LDB2: variants seen among roughly 807,000 people sequenced by gnomAD.
LDB2 encodes LIM domain-binding protein 2.
In LDB2, 12 loss-of-function variants were observed where a neutral mutation model predicts 44.3. That is an observed-to-expected ratio of 0.27 (90% CI 0.17 to 0.44). The LOEUF is 0.44. Ranked by LOEUF, LDB2 falls within the 20% of genes least tolerant of loss-of-function variation. The pLI, the probability that LDB2 is intolerant of heterozygous loss-of-function variation, is 1.00. For synonymous variants in LDB2, 164 were observed against 174.8 expected, an observed-to-expected ratio of 0.94 and a Z score of 0.49; for missense variants, 344 against 473.5, an observed-to-expected ratio of 0.73 and a Z score of 2.54.
chr4:16,876,961 G>A (rs957048231), intron 1 of LDB2, among the ~76,000 whole-genome samples: 3 of 151,018 alleles, frequency 2.0e-5, no homozygotes, highest in African/African-American at 7.3e-5. Flanking sequence ...AGACTGGAGT[G>A]CAGTGGTGCC....
rs1489151570 is a variant in LDB2, at chr4:16,501,944, C to A, written c.*699G>T. 6.6e-6 allele frequency: 1 copy of A among 152,514 alleles called. No individual in the cohort carries two copies. Among genetic ancestry groups the A allele is most frequent in the Non-Finnish European group, 1.5e-5 (1 of 68,016 alleles). 9.4% of individuals were successfully genotyped at this position (152,514 alleles called of 1,614,324 possible). A position where few individuals can be genotyped will look rare whatever the true frequency, so the allele number is the denominator to read the frequency against. ...AATTCTTAAGGGTCCAATTGTCTTT[C>A]TTTACTTAAAAATCTGCCCTGGTGT... On this transcript the variant is annotated 3_prime_UTR_variant, in exon 8 of 8. Transcript: ENST00000304523.
intron 5 of LDB2, among the ~76,000 whole-genome samples, chr4:16,546,866 T>C (rs915290984): frequency 4.6e-5 from 7 of 152,200 alleles, no homozygotes; most frequent in Non-Finnish European, 7.3e-5. Context: ...CAGGGTTCTT[T>C]AGCTGTCTCT....
chr4:16,774,809 T>C (rs748122062), intron 1 of LDB2, among the ~76,000 whole-genome samples: 3 of 152,184 alleles, frequency 2.0e-5, no homozygotes, highest in Non-Finnish European at 2.9e-5. Flanking sequence ...GGAAAATACC[T>C]AGTAATAAAA....
intron 1 of LDB2, among the ~76,000 whole-genome samples, chr4:16,891,887 G>A (rs1240317044): frequency 6.6e-6 from 1 of 152,168 alleles, no homozygotes; most frequent in Non-Finnish European, 1.5e-5. Context: ...CCTATTTCAA[G>A]AGAGGTGCTA....
intron 5 of LDB2, among the ~76,000 whole-genome samples, chr4:16,523,910 CTAA>C (rs1422214114): frequency 6.6e-6 from 1 of 152,202 alleles, no homozygotes; most frequent in African/African-American, 2.4e-5. Flanking sequence ...CCTGCAGCAA[CTAA>C]TATTACGCCC....
intron 1 of LDB2, among the ~76,000 whole-genome samples, chr4:16,800,621 A>T (rs1376338218): frequency 1.3e-5 from 2 of 152,228 alleles, no homozygotes; most frequent in East Asian, 3.8e-4. Context: ...GGTGATAGGG[A>T]GTCATATAAA....
chr4:16,727,495 G>A (rs1457868469), intron 2 of LDB2, among the ~76,000 whole-genome samples: 6 of 152,292 alleles, frequency 3.9e-5, no homozygotes, highest in Admixed American at 1.3e-4. Flanking sequence ...GGGAAGACTC[G>A]AGCATGGGGA....
intron 1 of LDB2, among the ~76,000 whole-genome samples, chr4:16,777,915 G>A (rs1007176709): frequency 3.9e-5 from 6 of 152,066 alleles, no homozygotes; most frequent in East Asian, 1.9e-4. Flanking sequence ...GCTTACCAAC[G>A]CCTGACTGGG....
chr4:16,740,204 A>G (rs1240308109), intron 2 of LDB2, among the ~76,000 whole-genome samples: 1 of 152,228 alleles, frequency 6.6e-6, no homozygotes, highest in African/African-American at 2.4e-5. Context: ...CTAAACTGTG[A>G]CATCTTCCAT....
chr4:16,766,610 A>G (rs2109302093), intron 1 of LDB2, among the ~76,000 whole-genome samples: 1 of 150,676 alleles, frequency 6.6e-6, no homozygotes, highest in South Asian at 2.1e-4. Context: ...TGTTCAAGCG[A>G]TTCTCCTGCC....
At chr4:16,858,330 A>G (rs1000031502) in intron 1 of LDB2, among the ~76,000 whole-genome samples, 3 of 152,198 alleles carry the variant, frequency 2.0e-5, no homozygotes, top group Non-Finnish European at 4.4e-5. Flanking sequence ...TTATAAATGC[A>G]AGGAATTCCT....
At chr4:16,509,165 C>A (rs1333936870) in intron 6 of LDB2, among the ~76,000 whole-genome samples, 1 of 152,152 alleles carries the variant, frequency 6.6e-6, no homozygotes, top group Non-Finnish European at 1.5e-5. Context: ...TGTGCAACAG[C>A]AGCATCTACT....
chr4:16,793,289 C>T (rs1177413293), intron 1 of LDB2, among the ~76,000 whole-genome samples: 3 of 152,098 alleles, frequency 2.0e-5, no homozygotes, highest in African/African-American at 7.2e-5. Flanking sequence ...AGGGAGAGAA[C>T]AGCATCAAAG....
chr4:16,532,531 G>A (rs985735659), intron 5 of LDB2, among the ~76,000 whole-genome samples: 5 of 152,086 alleles, frequency 3.3e-5, no homozygotes, highest in African/African-American at 9.7e-5. Context: ...CTATTCTTTC[G>A]TGCCAGCTAT....
intron 5 of LDB2, among the ~76,000 whole-genome samples, chr4:16,585,673 C>T (rs1296842049): frequency 2.6e-5 from 4 of 152,076 alleles, no homozygotes; most frequent in Admixed American, 6.6e-5. Flanking sequence ...CATTGCTAGC[C>T]TTTGAATAAT....
chr4:16,838,113 T>C (rs1209627581), intron 1 of LDB2, among the ~76,000 whole-genome samples: 1 of 152,230 alleles, frequency 6.6e-6, no homozygotes, highest in Non-Finnish European at 1.5e-5. Flanking sequence ...GCCCTGTTTG[T>C]ATGAACAGCA....
intron 1 of LDB2, among the ~76,000 whole-genome samples, chr4:16,768,427 T>C (rs1246324154): frequency 1.3e-5 from 2 of 152,178 alleles, no homozygotes; most frequent in East Asian, 3.9e-4. Context: ...CAGCTAACCT[T>C]TCTCAGAAGA....
At chr4:16,873,717 G>GT (rs1307689201) in intron 1 of LDB2, among the ~76,000 whole-genome samples, 5 of 151,992 alleles carry the variant, frequency 3.3e-5, no homozygotes, top group African/African-American at 4.8e-5. Context: ...TGGTGGCAAA[G>GT]TTTTTTTTCA....
intron 2 of LDB2, among the ~76,000 whole-genome samples, chr4:16,605,510 A>G (rs780195036): frequency 1.3e-5 from 2 of 152,206 alleles, no homozygotes; most frequent in Non-Finnish European, 2.9e-5. Flanking sequence ...TCTCACAGGT[A>G]CTCACTAGCT....
Sources: gnomAD v4.1 joint callset for allele counts (sites outside exome capture counted in the v4.1 genomes callset) on GRCh38, gnomAD v4.1.1 for gene constraint, MANE v1.5 for transcripts, NCBI Gene and HGNC (gene_info 2026-07-23, HGNC 2026-07-21) for gene names.